GXYLT2: variants seen among roughly 807,000 people sequenced by gnomAD.
GXYLT2 encodes glycosyltransferase 8 domain containing 4.
In GXYLT2, 53 loss-of-function variants were observed where a neutral mutation model predicts 45.8. The ratio of observed to expected loss-of-function variants is 1.16; its 90% CI spans 0.93 to 1.46. The LOEUF (loss-of-function observed/expected upper bound fraction) is 1.46, where lower values mean the gene tolerates loss of function less well. Among genes scored for constraint, GXYLT2 ranks in the 40% most tolerant of loss-of-function variants. The probability of loss-of-function intolerance (pLI) is 0.00; values close to 1 mark genes in which losing one functional copy is unlikely to be tolerated. For synonymous variants in GXYLT2, 219 were observed against 214.2 expected (o/e 1.02, Z -0.19); for missense variants, 551 against 544.4 (o/e 1.01, Z -0.12).
chr3:72,930,200 T>G (rs1364726036), intron 3 of GXYLT2, among the ~76,000 whole-genome samples: 1 of 151,262 alleles, frequency 6.6e-6, no homozygotes, highest in Non-Finnish European at 1.5e-5. Flanking sequence ...GTTGCAGTTA[T>G]AGTTGATAAA....
chr3:72,958,179 A>G (rs889735102), intron 5 of GXYLT2, among the ~76,000 whole-genome samples: 4 of 151,942 alleles, frequency 2.6e-5, no homozygotes, highest in Admixed American at 1.3e-4. Context: ...AGGCTGAGGC[A>G]GGAGAATCAC....
Position 72,952,427 on chromosome 3 carries a change from C to T in GXYLT2, c.601-2671C>T, listed in dbSNP as rs565921214. 5.3e-5 allele frequency among the ~76,000 whole-genome samples: 8 copies of T among 152,224 alleles called. No homozygotes were observed. The South Asian group carries it at 1.7e-3, about 32-fold the overall frequency. On this transcript the variant is annotated intron_variant, in intron 3 of 6. Coordinates refer to ENST00000389617, the MANE Select transcript of GXYLT2 (RefSeq NM_001080393.2). The stretch of plus-strand genomic sequence containing the variant: ...CAAAAGATAAATCCTGTGGCTAATT[C>T]TGTGGGCTTCAGAATTACTCAGGTC...
chr3:72,912,340 C>T lies in GXYLT2; in HGVS notation c.468+3781C>T, dbSNP rs141377467. 6.4e-3 allele frequency among the ~76,000 whole-genome samples: 969 copies of T among 151,882 alleles called. 10 individuals carry two copies. Among genetic ancestry groups the T allele is most frequent in the African/African-American group, 0.022 (899 of 41,428 alleles). The stretch of plus-strand genomic sequence containing the variant: ...TAATATTTTATTTTTTGTAGAGATG[C>T]GGTCTCCCTATGTTGCCCAGGCTGG... On this transcript the variant is annotated intron_variant, in intron 2 of 6. Transcript: ENST00000389617.
chr3:72,910,301 G>C (rs1002446858), intron 2 of GXYLT2, among the ~76,000 whole-genome samples: 4 of 152,118 alleles, frequency 2.6e-5, no homozygotes, highest in African/African-American at 9.7e-5. Context: ...TCAGGGTTCA[G>C]GTCAAGTTTA....
At chr3:72,954,531 C>G (rs574952336) in intron 3 of GXYLT2, among the ~76,000 whole-genome samples, 1 of 150,998 alleles carries the variant, frequency 6.6e-6, no homozygotes, top group Admixed American at 6.6e-5. Context: ...TATTTACCCC[C>G]AAGGCTTGGT....
At chr3:72,954,931 A>G (rs1243787194) in intron 3 of GXYLT2, among the ~76,000 whole-genome samples, 167 bp from the exon 4 acceptor site, 1 of 152,200 alleles carries the variant, frequency 6.6e-6, no homozygotes, top group Non-Finnish European at 1.5e-5. Flanking sequence ...AAGTCAAAGG[A>G]GAAGGAAGGA....
chr3:72,913,135 T>C (rs1280875675), intron 2 of GXYLT2, among the ~76,000 whole-genome samples: 1 of 151,230 alleles, frequency 6.6e-6, no homozygotes, highest in Non-Finnish European at 1.5e-5. Flanking sequence ...CCTCCCAGGT[T>C]CACGCCATTC....
intron 3 of GXYLT2, among the ~76,000 whole-genome samples, chr3:72,924,776 T>A (rs1031128207): frequency 3.3e-5 from 5 of 152,092 alleles, no homozygotes; most frequent in Non-Finnish European, 5.9e-5. Flanking sequence ...ATTTTTTTTT[T>A]AACCTGAACA....
chr3:72,909,772 C>G (rs895556826), intron 2 of GXYLT2, among the ~76,000 whole-genome samples: 1 of 152,182 alleles, frequency 6.6e-6, no homozygotes, highest in Non-Finnish European at 1.5e-5. Context: ...TGAGAGTTTT[C>G]TCTTGCTGTA....
At chr3:72,953,749 A>C (rs547912503) in intron 3 of GXYLT2, among the ~76,000 whole-genome samples, 1 of 152,292 alleles carries the variant, frequency 6.6e-6, no homozygotes, top group African/African-American at 2.4e-5. Flanking sequence ...TACACAAACA[A>C]AGCTAGCCAA....
chr3:72,917,569 C>T (rs912412052), intron 2 of GXYLT2, among the ~76,000 whole-genome samples: 2 of 151,878 alleles, frequency 1.3e-5, no homozygotes, highest in African/African-American at 4.8e-5. Context: ...CCAGCCTGGG[C>T]AACATGGCAA....
At chr3:72,928,921 TC>T in intron 3 of GXYLT2, 1 of 703,842 alleles carries the variant, frequency 1.4e-6, no homozygotes, top group Admixed American at 2.1e-5. Flanking sequence ...TCGTCCCCCA[TC>T]CCGGCCGGCC....
chr3:72,918,873 T>C (rs1024112268), intron 2 of GXYLT2, among the ~76,000 whole-genome samples: 2 of 151,992 alleles, frequency 1.3e-5, no homozygotes, highest in Non-Finnish European at 2.9e-5. Flanking sequence ...AACAAGCATA[T>C]GAAAAGATGT....
chr3:72,967,435 A>G (rs910216291), intron 5 of GXYLT2, 112 bp from the exon 6 acceptor site: 2 of 799,486 alleles, frequency 2.5e-6, no homozygotes, highest in African/African-American at 1.7e-5. Flanking sequence ...ACACTCCTGT[A>G]CTTTGAAATT....
intron 3 of GXYLT2, among the ~76,000 whole-genome samples, chr3:72,933,871 T>C (rs1710126275): frequency 6.6e-6 from 1 of 151,558 alleles, no homozygotes; most frequent in Non-Finnish European, 1.5e-5. Context: ...CCCACTGCAC[T>C]CCAACTCGGG....
chr3:72,937,239 T>C (rs1374048167), intron 3 of GXYLT2, among the ~76,000 whole-genome samples: 3 of 152,220 alleles, frequency 2.0e-5, no homozygotes, highest in African/African-American at 4.8e-5. Context: ...AGAATAAATA[T>C]GCATTGCATT....
chr3:72,931,698 C>A (rs1710040791), intron 3 of GXYLT2, among the ~76,000 whole-genome samples: 1 of 151,840 alleles, frequency 6.6e-6, no homozygotes. Context: ...GGCCTCAAGT[C>A]AATAGCCTAA....
chr3:72,894,941 C>T lies in GXYLT2; in HGVS notation c.275+6433C>T, dbSNP rs191788572. Among the ~76,000 whole-genome samples, 131 of 152,334 alleles carry T rather than the reference C, an allele frequency of 8.6e-4. 2 individuals are homozygous for T. In the East Asian group the frequency reaches 0.022, roughly 26 times the overall value. ...AGCCCATTGCCACTGGACTCTCTCCCCTGTATGGAAGCCCCCAGTAAAACG... is the reference window on the plus strand; with the variant it reads ...AGCCCATTGCCACTGGACTCTCTCCTCTGTATGGAAGCCCCCAGTAAAACG... On this transcript the variant is annotated intron_variant, in intron 1 of 6. Transcript: ENST00000389617.
At position 72,924,394 on chromosome 3, in the gene GXYLT2, A is replaced by G. The variant is rs555042991; in HGVS notation, c.600+2059A>G. On this transcript the variant is annotated intron_variant, in intron 3 of 6. Transcript: ENST00000389617. ...TTTTTTGTAGAGATGATGTCTTGCT[A>G]TGTTGCCAGCCTGGTCACATACTCC... Among the ~76,000 whole-genome samples, 13 of 152,032 alleles carry G rather than the reference A, an allele frequency of 8.6e-5. No homozygotes were observed. The South Asian group carries it at 2.5e-3, about 29-fold the overall frequency.
Sources: allele counts gnomAD v4.1 joint callset (sites outside exome capture counted in the v4.1 genomes callset), GRCh38; gene constraint gnomAD v4.1.1; transcripts MANE v1.5; gene names NCBI Gene and HGNC (gene_info 2026-07-23, HGNC 2026-07-21).